SNTG2: variants seen among roughly 807,000 people sequenced by gnomAD.
The protein encoded by SNTG2 is syntrophin gamma 2, also known as gamma-2-syntrophin.
In SNTG2, 74 loss-of-function variants were observed where a neutral mutation model predicts 70.9. That is an observed-to-expected ratio of 1.04 (90% confidence interval 0.86 to 1.27). The LOEUF is 1.27. SNTG2 is among the 50% of genes most tolerant of loss of function. The pLI, the probability that SNTG2 is intolerant of heterozygous loss-of-function variation, is 0.00. For synonymous variants in SNTG2, 278 were observed against 273.8 expected, an observed-to-expected ratio of 1.02 and a Z score of -0.15; for missense variants, 717 against 690.7, an observed-to-expected ratio of 1.04 and a Z score of -0.43.
intron 4 of SNTG2, among the ~76,000 whole-genome samples, chr2:1,134,652 A>G (rs937818902): frequency 3.3e-5 from 5 of 152,192 alleles, no homozygotes; most frequent in African/African-American, 4.8e-5. Flanking sequence ...TCAGGAGCCT[A>G]GCTGGCTTCA....
At chr2:1,173,678 C>T (rs72490791) in intron 8 of SNTG2, among the ~76,000 whole-genome samples, 7,600 of 152,220 alleles carry the variant, frequency 0.05, 290 homozygotes, top group East Asian at 0.21. Context: ...CGCCCTCCTC[C>T]CTCAGAAGCC....
chr2:1,028,138 G>C (rs1011571247), intron 1 of SNTG2, among the ~76,000 whole-genome samples: 21 of 151,260 alleles, frequency 1.4e-4, no homozygotes, highest in Admixed American at 1.2e-3. Context: ...AAAGAGATAA[G>C]CAGGTGCATC....
rs1216738727 is a variant in SNTG2 at position 1,083,757 on chromosome 2, C to T, written c.210+102C>T. ...AAGAATGATTGCTGAGCAAAAGCTG[C>T]TACTCGTTATTTAAATATCCCCAAC... On this transcript the variant is annotated intron_variant, in intron 2 of 16. Transcript: ENST00000308624. The T allele has an allele frequency of 6.3e-6, 8 of 1,278,636 alleles. No homozygotes were observed. The Admixed American group carries it at 1.4e-4, about 22-fold the overall frequency. The allele number at this position is 1,278,636 out of a possible 1,614,324, so 79.2% of individuals were successfully genotyped here. A position where few individuals can be genotyped will look rare whatever the true frequency, so the allele number is the denominator to read the frequency against.
At chr2:962,157 C>T (rs1572167329) in intron 1 of SNTG2, among the ~76,000 whole-genome samples, 1 of 152,140 alleles carries the variant, frequency 6.6e-6, no homozygotes, top group African/African-American at 2.4e-5. Context: ...CTTGAACTCC[C>T]CAAACACCTC....
chr2:1,342,161 C>T (rs563690703), intron 16 of SNTG2, among the ~76,000 whole-genome samples: 1 of 152,314 alleles, frequency 6.6e-6, no homozygotes, highest in South Asian at 2.1e-4. Context: ...TCTGTGAAGA[C>T]CTCAGGGCAG....
At position 970,179 on chromosome 2, in the gene SNTG2, G is replaced by A. The variant is rs1423241510; in HGVS notation, c.72+19111G>A. Among the ~76,000 whole-genome samples the A allele has an allele frequency of 2.6e-5, 4 of 152,192 alleles. No homozygotes were observed. In the South Asian group the frequency reaches 6.2e-4, roughly 24 times the overall value. ...TGAATTACATTTATTTGTTTTGTAT[G>A]TTGAACCAACCTTGCATCCCAGGGA... On this transcript the variant is annotated intron_variant, in intron 1 of 16. Transcript: ENST00000308624.
At chr2:1,159,040 G>A (rs1486944572) in intron 6 of SNTG2, among the ~76,000 whole-genome samples, 1 of 152,164 alleles carries the variant, frequency 6.6e-6, no homozygotes, top group African/African-American at 2.4e-5. Context: ...GCATGTGTGT[G>A]CATGTATGTG....
intron 1 of SNTG2, among the ~76,000 whole-genome samples, 199 bp downstream of exon 1, chr2:951,267 T>C (rs2147935222): frequency 6.6e-6 from 1 of 152,304 alleles, no homozygotes; most frequent in African/African-American, 2.4e-5. Flanking sequence ...CTCTGCTCCC[T>C]CCAGCCCAGT....
intron 8 of SNTG2, among the ~76,000 whole-genome samples, chr2:1,190,724 G>T (rs1213619317): frequency 6.6e-6 from 1 of 151,532 alleles, no homozygotes; most frequent in Admixed American, 6.6e-5. Flanking sequence ...AAATGATCTG[G>T]CACGTTAAGA....
chr2:1,263,358 TTAA>T (rs1301052602), intron 13 of SNTG2, among the ~76,000 whole-genome samples: 1 of 152,240 alleles, frequency 6.6e-6, no homozygotes, highest in Non-Finnish European at 1.5e-5. Context: ...TAAGGTTATA[TTAA>T]TAATTATTGA....
chr2:1,092,375 G>A (rs1318823885), intron 2 of SNTG2, among the ~76,000 whole-genome samples: 2 of 152,148 alleles, frequency 1.3e-5, no homozygotes, highest in Non-Finnish European at 2.9e-5. Context: ...GGGGATCGAC[G>A]AGGACCTGGG....
At chr2:1,285,726 T>C (rs1244905441) in intron 14 of SNTG2, among the ~76,000 whole-genome samples, 2 of 152,228 alleles carry the variant, frequency 1.3e-5, no homozygotes, top group Non-Finnish European at 2.9e-5. Context: ...ATTAATGACT[T>C]CCTTCTTCTA....
chr2:1,342,379 CG>C, intron 16 of SNTG2, among the ~76,000 whole-genome samples: 2 of 58,836 alleles, frequency 3.4e-5, no homozygotes, highest in South Asian at 1.6e-3. Flanking sequence ...GTTCTGGGCA[CG>C]CCTGGCCCAG....
intron 12 of SNTG2, among the ~76,000 whole-genome samples, chr2:1,248,096 C>A (rs1677542278): frequency 1.3e-5 from 2 of 152,186 alleles, no homozygotes; most frequent in African/African-American, 4.8e-5. Context: ...GTTTTGGATG[C>A]ATGTCACGTG....
chr2:1,219,084 G>A (rs1256649461), intron 9 of SNTG2, among the ~76,000 whole-genome samples: 3 of 152,142 alleles, frequency 2.0e-5, no homozygotes, highest in Non-Finnish European at 4.4e-5. Context: ...TCTCATGAGT[G>A]GTTTAGCACC....
chr2:1,285,554 A>G (rs888009003), intron 14 of SNTG2, among the ~76,000 whole-genome samples: 1 of 152,258 alleles, frequency 6.6e-6, no homozygotes, highest in Non-Finnish European at 1.5e-5. Context: ...CATGAAGGCA[A>G]TAAATCTAAT....
At position 952,662 on chromosome 2, in the gene SNTG2, C is replaced by CT. The variant is rs71939733; in HGVS notation, c.72+1603dup. 4.9e-3 allele frequency among the ~76,000 whole-genome samples: 746 copies of CT among 151,646 alleles called. 2 individuals are homozygous for CT. The highest frequency in any genetic ancestry group is 7.7e-3 in the Admixed American group (117 of 15,234). On this transcript the variant is annotated intron_variant, in intron 1 of 16. Coordinates refer to ENST00000308624, the MANE Select transcript of SNTG2 (RefSeq NM_018968.4). ...CCTGTCTGAATTGTATTGAAAGAAA[C>CT]TTTTTTTTTAGCGTTGGAGGCCAAG... is the stretch of plus-strand genomic sequence containing the variant.
rs564063442 is a variant in SNTG2, at chr2:970,537, C to T, written c.72+19469C>T. ...CGCGGTGTTTGGTTTTTTGTTCTTGCGATAGTTTACTGAGAATGATGATTT... is the reference window on the plus strand; with the variant it reads ...CGCGGTGTTTGGTTTTTTGTTCTTGTGATAGTTTACTGAGAATGATGATTT... On this transcript the variant is annotated intron_variant, in intron 1 of 16. Transcript: ENST00000308624. 5.9e-4 allele frequency among the ~76,000 whole-genome samples: 84 copies of T among 142,726 alleles called. 2 individuals are homozygous for T. The highest frequency in any genetic ancestry group is 2.1e-3 in the African/African-American group (80 of 37,310). 93.6% of individuals were successfully genotyped at this position (142,726 alleles called of 152,430 possible). A position where few individuals can be genotyped will look rare whatever the true frequency, so the allele number is the denominator to read the frequency against.
At chr2:1,239,714 G>A (rs753730638) in intron 10 of SNTG2, 24 bp from the exon 11 acceptor site, 38 of 1,612,258 alleles carry the variant, frequency 2.4e-5, no homozygotes, top group Non-Finnish European at 3.1e-5. Flanking sequence ...CTGTGGCCCT[G>A]ACTCTTCTGC....
Sources: allele counts gnomAD v4.1 joint callset (sites outside exome capture counted in the v4.1 genomes callset), GRCh38; gene constraint gnomAD v4.1.1; transcripts MANE v1.5; gene names NCBI Gene and HGNC (gene_info 2026-07-23, HGNC 2026-07-21).